Variants in TENT4B observed in about 807,000 individuals in gnomAD.
The protein encoded by TENT4B is PAP associated domain containing 5.
In TENT4B, 10 loss-of-function variants were observed where a neutral mutation model predicts 75.0. That is an observed-to-expected ratio of 0.13 (90% CI 0.08 to 0.23). The LOEUF (loss-of-function observed/expected upper bound fraction) is 0.23, where lower values mean the gene tolerates loss of function less well. TENT4B is among the 10% of genes least tolerant of loss of function. The pLI is 1.00. For synonymous variants in TENT4B, 350 were observed against 357.7 expected, an observed-to-expected ratio of 0.98 and a Z score of 0.24; for missense variants, 579 against 893.8, an observed-to-expected ratio of 0.65 and a Z score of 4.49.
At chr16:50,196,696 G>T (rs2150716566) in intron 1 of TENT4B, among the ~76,000 whole-genome samples, 1 of 152,072 alleles carries the variant, frequency 6.6e-6, no homozygotes, top group East Asian at 1.9e-4. Flanking sequence ...GGGAGGCCAA[G>T]GCGGGCAGAT....
intron 10 of TENT4B, 40 bp downstream of exon 10, chr16:50,225,325 T>C (rs748984365): frequency 1.3e-4 from 207 of 1,554,764 alleles, no homozygotes; most frequent in Non-Finnish European, 1.6e-4. Flanking sequence ...CTCAGATGCA[T>C]GCACGTTCTC....
rs2032321830 is a variant in TENT4B, at chr16:50,232,341, T to C, written c.*3013T>C. The C allele has an allele frequency of 1.0e-6, 1 of 985,330 alleles. No homozygotes were observed. 61.0% of individuals were successfully genotyped at this position (985,330 alleles called of 1,614,324 possible). ...GTCTTCAACAGTTGATTCTGTTTTATTTTTATCCTGTTTTGAGTGTACTTT... is the reference window on the plus strand; with the variant it reads ...GTCTTCAACAGTTGATTCTGTTTTACTTTTATCCTGTTTTGAGTGTACTTT... On this transcript the variant is annotated 3_prime_UTR_variant, in exon 12 of 12. Transcript: ENST00000561678.
intron 1 of TENT4B, among the ~76,000 whole-genome samples, chr16:50,178,142 C>CTTTT (rs35008488): frequency 6.1e-5 from 7 of 115,564 alleles, no homozygotes; most frequent in Non-Finnish European, 6.8e-5. Flanking sequence ...AGGTGGTCTA[C>CTTTT]TTTTTTTTTT....
At chr16:50,153,191 G>C (rs1477030345), upstream of TENT4B, among the ~76,000 whole-genome samples, 8 of 124,180 alleles carry the variant, frequency 6.4e-5, 1 homozygote, top group African/African-American at 1.5e-4. Context: ...GGTGGGGGGG[G>C]GGGGCGGAGC....
At position 50,224,803 on chromosome 16, in the gene TENT4B, C is replaced by G. The variant is rs749349265; in HGVS notation, c.1508+20C>G. 6.2e-7 allele frequency: 1 copy of G among 1,613,456 alleles called. No individual in the cohort carries two copies. The highest frequency in any genetic ancestry group is 8.5e-7 in the Non-Finnish European group (1 of 1,179,628). On this transcript the variant is annotated intron_variant, in intron 8 of 11. Transcript: ENST00000561678. ...AGAAAGGTAAAAGTTCATCTATAACCAGCCCATTGTGTCAAAATTAGTTGT... is the reference window on the plus strand; with the variant it reads ...AGAAAGGTAAAAGTTCATCTATAACGAGCCCATTGTGTCAAAATTAGTTGT...
intron 1 of TENT4B, among the ~76,000 whole-genome samples, chr16:50,208,030 G>A (rs1048419187): frequency 3.3e-5 from 5 of 152,176 alleles, no homozygotes; most frequent in African/African-American, 1.2e-4. Context: ...TTCACACGTA[G>A]CTAGTTACAT....
At chr16:50,164,587 G>A (rs767994337) in intron 1 of TENT4B, among the ~76,000 whole-genome samples, 3 of 152,106 alleles carry the variant, frequency 2.0e-5, no homozygotes, top group Non-Finnish European at 4.4e-5. Context: ...GATTACAGGT[G>A]TGAGCCACTG....
At position 50,155,272 on chromosome 16, in the gene TENT4B, G is replaced by GTGT. The variant is rs2037871396; in HGVS notation, c.638+1013_638+1014insTGT. On this transcript the variant is annotated intron_variant, in intron 1 of 11. Coordinates refer to ENST00000561678, the MANE Select transcript of TENT4B (RefSeq NM_001365324.3). Reference sequence around the variant, plus strand: ...TAAAACAAAGCTTTTGGGTCTCGTGGGTGTGTGTGTGTGTGTGTGTGTGTG... The same window carrying GTGT: ...TAAAACAAAGCTTTTGGGTCTCGTGGTGTGTGTGTGTGTGTGTGTGTGTGTGTG... 7.5e-3 allele frequency among the ~76,000 whole-genome samples: 1,021 copies of GTGT among 135,482 alleles called. 8 individuals carry two copies. The highest frequency in any genetic ancestry group is 0.011 in the Non-Finnish European group (675 of 64,074). 88.9% of individuals were successfully genotyped at this position (135,482 alleles called of 152,430 possible).
chr16:50,209,037 T>C (rs2031138597), intron 1 of TENT4B, among the ~76,000 whole-genome samples: 1 of 152,242 alleles, frequency 6.6e-6, no homozygotes, highest in African/African-American at 2.4e-5. Flanking sequence ...GGCCAGAGAA[T>C]GAATTCTTAA....
At chr16:50,212,805 G>A (rs2031355204) in intron 2 of TENT4B, among the ~76,000 whole-genome samples, 1 of 152,198 alleles carries the variant, frequency 6.6e-6, no homozygotes, top group Non-Finnish European at 1.5e-5. Flanking sequence ...TAGAGGCCAT[G>A]GATGCCATCA....
chr16:50,210,099 C>A (rs1319645133), intron 1 of TENT4B, among the ~76,000 whole-genome samples: 1 of 152,172 alleles, frequency 6.6e-6, no homozygotes. Flanking sequence ...GCACCTGTTG[C>A]TCCGAGCCTT....
Position 50,229,780 on chromosome 16 carries a change from TG to T in TENT4B, c.*453del. On this transcript the variant is annotated 3_prime_UTR_variant, in exon 12 of 12. Coordinates refer to ENST00000561678, the MANE Select transcript of TENT4B (RefSeq NM_001365324.3). ...TCCAAAGGGGAAAGTGATCTGTGCATGTTTTTTTTTTAAATATTTTTGCATA... is the reference window on the plus strand; with the variant it reads ...TCCAAAGGGGAAAGTGATCTGTGCATTTTTTTTTTTAAATATTTTTGCATA... 2 of 977,950 alleles carry T rather than the reference TG, an allele frequency of 2.0e-6. No homozygotes were observed. Among genetic ancestry groups the T allele is most frequent in the Non-Finnish European group, 2.4e-6 (2 of 822,880 alleles). The allele number at this position is 977,950 out of a possible 1,614,324, so 60.6% of individuals were successfully genotyped here.
intron 1 of TENT4B, among the ~76,000 whole-genome samples, chr16:50,168,672 G>A (rs1230172791): frequency 6.7e-6 from 1 of 149,790 alleles, no homozygotes; most frequent in African/African-American, 2.5e-5. Flanking sequence ...TTGAGACAGA[G>A]TCTCGCTCTG....
At position 50,230,403 on chromosome 16, in the gene TENT4B, C is replaced by T; in HGVS notation, c.*1075C>T. 2.0e-6 allele frequency: 2 copies of T among 985,192 alleles called. No homozygotes were observed. Among genetic ancestry groups the T allele is most frequent in the Non-Finnish European group, 2.4e-6 (2 of 829,860 alleles). The allele number at this position is 985,192 out of a possible 1,614,324, so 61.0% of individuals were successfully genotyped here. On this transcript the variant is annotated 3_prime_UTR_variant, in exon 12 of 12. Coordinates refer to ENST00000561678, the MANE Select transcript of TENT4B (RefSeq NM_001365324.3). ...ATGCTGGCTTCTCTAACCCTGTGTGCTGCGTGTGCCTGTTTCTCATCTCTT... is the reference window on the plus strand; with the variant it reads ...ATGCTGGCTTCTCTAACCCTGTGTGTTGCGTGTGCCTGTTTCTCATCTCTT...
chr16:50,198,296 A>G (rs1020304992), intron 1 of TENT4B, among the ~76,000 whole-genome samples: 3 of 151,648 alleles, frequency 2.0e-5, no homozygotes, highest in East Asian at 1.9e-4. Flanking sequence ...GTGAGCTCCT[A>G]TAGTCCCAGC....
At chr16:50,191,927 C>T (rs1020472563) in intron 1 of TENT4B, among the ~76,000 whole-genome samples, 2 of 150,812 alleles carry the variant, frequency 1.3e-5, no homozygotes, top group African/African-American at 4.9e-5. Flanking sequence ...CTCAAAAAAA[C>T]AAACAAACAA....
At chr16:50,195,123 T>G (rs2030138117) in intron 1 of TENT4B, among the ~76,000 whole-genome samples, 1 of 152,164 alleles carries the variant, frequency 6.6e-6, no homozygotes, top group African/African-American at 2.4e-5. Context: ...CTTAGGGAAA[T>G]CGATTATTTC....
At chr16:50,193,175 G>C (rs1337235803) in intron 1 of TENT4B, among the ~76,000 whole-genome samples, 1 of 152,104 alleles carries the variant, frequency 6.6e-6, no homozygotes, top group African/African-American at 2.4e-5. Context: ...CTGGTAGAGA[G>C]GAATTAGGAG....
intron 11 of TENT4B, among the ~76,000 whole-genome samples, chr16:50,228,763 G>C (rs549128189): frequency 6.6e-6 from 1 of 152,352 alleles, no homozygotes; most frequent in African/African-American, 2.4e-5. Flanking sequence ...CACAGGCCAT[G>C]AGTAGCAGGA....
Sources: allele counts gnomAD v4.1 joint callset (sites outside exome capture counted in the v4.1 genomes callset), GRCh38; gene constraint gnomAD v4.1.1; transcripts MANE v1.5; gene names NCBI Gene and HGNC (gene_info 2026-07-23, HGNC 2026-07-21).